Variants in SERPINB7 observed in about 807,000 individuals in gnomAD.
The protein encoded by SERPINB7 is serpin B7.
In SERPINB7, 31 loss-of-function variants were observed where a neutral mutation model predicts 37.4. That is an observed-to-expected ratio of 0.83 (90% confidence interval 0.62 to 1.12). The LOEUF (loss-of-function observed/expected upper bound fraction) is 1.12. Among genes scored for constraint, SERPINB7 ranks in the 50% most tolerant of loss-of-function variants. SERPINB7 has a pLI of 0.00. For synonymous variants in SERPINB7, 163 were observed against 166.1 expected (o/e 0.98, Z 0.14); for missense variants, 521 against 455.3 (o/e 1.14, Z -1.31).
At chr18:63,762,830 T>C (rs1249874026) in intron 1 of SERPINB7, among the ~76,000 whole-genome samples, 1 of 152,218 alleles carries the variant, frequency 6.6e-6, no homozygotes, top group East Asian at 1.9e-4. Context: ...TCATTTTTAT[T>C]TCTCAATCAC....
At chr18:63,798,086 C>T (rs1466497250) in intron 5 of SERPINB7, among the ~76,000 whole-genome samples, 1 of 152,136 alleles carries the variant, frequency 6.6e-6, no homozygotes, top group Non-Finnish European at 1.5e-5. Context: ...GGACTGGGAG[C>T]TCAATGATGG....
chr18:63,755,479 T>C (rs1014384270), intron 1 of SERPINB7, among the ~76,000 whole-genome samples: 1 of 152,178 alleles, frequency 6.6e-6, no homozygotes, highest in African/African-American at 2.4e-5. Context: ...TTTGTTTCAG[T>C]AGCAGACACT....
At chr18:63,797,666 T>A (rs938309442) in intron 5 of SERPINB7, among the ~76,000 whole-genome samples, 1 of 152,166 alleles carries the variant, frequency 6.6e-6, no homozygotes, top group Non-Finnish European at 1.5e-5. Flanking sequence ...GAAGCCCACA[T>A]CCTCTACACA....
intron 5 of SERPINB7, 55 bp downstream of exon 5, chr18:63,796,438 C>T: frequency 1.0e-6 from 1 of 977,260 alleles, no homozygotes; most frequent in Admixed American, 1.9e-5. Context: ...TATGTGAATA[C>T]TGGGAACAAA....
chr18:63,778,112 G>A (rs562494374), intron 1 of SERPINB7: 1 of 152,018 alleles, frequency 6.6e-6, no homozygotes, highest in Non-Finnish European at 1.5e-5. Flanking sequence ...TGAAAAATTT[G>A]TGTTCCATCT....
intron 2 of SERPINB7, 51 bp downstream of exon 2, chr18:63,782,591 G>A (rs1244638347): frequency 4.6e-6 from 7 of 1,518,722 alleles, no homozygotes; most frequent in Non-Finnish European, 6.2e-6. Flanking sequence ...TTTTTCCCAC[G>A]AGAACATTTC....
chr18:63,803,255 T>A (rs1450609001), intron 7 of SERPINB7, among the ~76,000 whole-genome samples: 1 of 151,452 alleles, frequency 6.6e-6, no homozygotes, highest in Admixed American at 6.6e-5. Flanking sequence ...AAAAAAAAAA[T>A]TCCAACAGGG....
Position 63,804,785 on chromosome 18 carries a change from C to A in SERPINB7, c.*150C>A, listed in dbSNP as rs1259674859. 7.1e-6 allele frequency: 5 copies of A among 701,166 alleles called. No individual in the cohort carries two copies. The African/African-American group carries it at 7.2e-5, about 10-fold the overall frequency. 43.4% of individuals were successfully genotyped at this position (701,166 alleles called of 1,614,324 possible). A position where few individuals can be genotyped will look rare whatever the true frequency, so the allele number is the denominator to read the frequency against. On this transcript the variant is annotated 3_prime_UTR_variant, in exon 8 of 8. Coordinates refer to ENST00000398019, the MANE Select transcript of SERPINB7 (RefSeq NM_003784.4). ...CAGCAGATGACACTGGTGACTTGAC[C>A]CTTCCTAGACACCTGGTTGATTGTC... is the stretch of plus-strand genomic sequence containing the variant.
chr18:63,785,776 G>A (rs1051708267), intron 2 of SERPINB7, among the ~76,000 whole-genome samples: 3 of 150,730 alleles, frequency 2.0e-5, no homozygotes, highest in Admixed American at 6.6e-5. Flanking sequence ...TAATAATGCT[G>A]TTCTTTCTTA....
intron 7 of SERPINB7, among the ~76,000 whole-genome samples, chr18:63,802,578 G>C (rs1239016116): frequency 1.3e-5 from 2 of 152,186 alleles, no homozygotes; most frequent in Non-Finnish European, 2.9e-5. Flanking sequence ...CATATGTATA[G>C]ATATGCATAT....
At chr18:63,783,283 A>AAAGAAAGAAAGAAAGGAAGAAAGG (rs1555694241) in intron 2 of SERPINB7, among the ~76,000 whole-genome samples, 1 of 122,434 alleles carries the variant, frequency 8.2e-6, no homozygotes, top group Non-Finnish European at 1.7e-5. Context: ...AGAAAGAAAG[A>AAAGAAAGAAAGAAAGGAAGAAAGG]AAGAAAGAAA....
intron 1 of SERPINB7, among the ~76,000 whole-genome samples, chr18:63,781,000 G>GT (rs200725791): frequency 0.019 from 2,880 of 151,606 alleles, 57 homozygotes; most frequent in Non-Finnish European, 0.023. Context: ...TACTAGAAAA[G>GT]TTTTTTTTTA....
chr18:63,774,063 G>C (rs531777839), upstream of SERPINB7, among the ~76,000 whole-genome samples: 95 of 152,132 alleles, frequency 6.2e-4, 1 homozygote, highest in South Asian at 0.015. Context: ...AGAATATGGA[G>C]AACAGGGAAT....
chr18:63,772,267 T>C (rs1052218145), upstream of SERPINB7, among the ~76,000 whole-genome samples: 5 of 152,088 alleles, frequency 3.3e-5, no homozygotes, highest in Admixed American at 3.3e-4. Flanking sequence ...AAATTGGATA[T>C]ATATTTACTT....
intron 4 of SERPINB7, 96 bp downstream of exon 4, chr18:63,793,373 G>T: frequency 1.7e-6 from 1 of 589,436 alleles, no homozygotes; most frequent in Non-Finnish European, 3.0e-6. Context: ...TACAAAGATG[G>T]TTTTGTTTCT....
intron 1 of SERPINB7, chr18:63,777,684 G>A (rs763245875): frequency 6.6e-5 from 10 of 151,830 alleles, no homozygotes; most frequent in Non-Finnish European, 1.5e-4. Flanking sequence ...TTATTTTAAT[G>A]ACATTATTTA....
At chr18:63,756,984 A>G (rs957193778) in intron 1 of SERPINB7, among the ~76,000 whole-genome samples, 1 of 152,148 alleles carries the variant, frequency 6.6e-6, no homozygotes, top group African/African-American at 2.4e-5. Flanking sequence ...GAAAGTTTCC[A>G]TTCCATGTTA....
chr18:63,763,871 C>T (rs141560595), intron 1 of SERPINB7, among the ~76,000 whole-genome samples: 1 of 152,176 alleles, frequency 6.6e-6, no homozygotes, highest in African/African-American at 2.4e-5. Flanking sequence ...TAAATCCTAA[C>T]ATTTCACCAT....
chr18:63,790,429 T>C (rs1196981473), intron 2 of SERPINB7, among the ~76,000 whole-genome samples: 1 of 152,158 alleles, frequency 6.6e-6, no homozygotes, highest in Non-Finnish European at 1.5e-5. Flanking sequence ...TGTTATTCTG[T>C]ATATACACTG....
Sources: allele counts gnomAD v4.1 joint callset (sites outside exome capture counted in the v4.1 genomes callset), GRCh38; gene constraint gnomAD v4.1.1; transcripts MANE v1.5; gene names NCBI Gene and HGNC (gene_info 2026-07-23, HGNC 2026-07-21).